The following ZNF532 variants were observed in gnomAD, a reference collection of about 807,000 sequenced individuals.
ZNF532 encodes the protein zinc finger protein 532.
ZNF532 carries 22 observed loss-of-function variants against 89.3 expected under a neutral mutation model. The observed-to-expected ratio is 0.25, with a 90% CI of 0.18 to 0.35. ZNF532 has a LOEUF of 0.35. Ranked by LOEUF, ZNF532 falls within the 10% of genes least tolerant of loss-of-function variation. ZNF532 has a pLI of 1.00. For missense variants in ZNF532, 1,132 were observed against 1,643.4 expected (o/e 0.69, Z 5.38); for synonymous variants, 606 against 649.6 (o/e 0.93, Z 1.02).
In ZNF532 at chr18:58,973,838, G is replaced by A. The variant is rs75235324; in HGVS notation, c.3151-5217G>A. The stretch of plus-strand genomic sequence containing the variant: ...AACAAATACCAATAGACCCAACAGC[G>A]TGGAGGAATTATATGTGTATTATGC... On this transcript the variant is annotated intron_variant, in intron 7 of 9. Coordinates refer to ENST00000591808, the MANE Select transcript of ZNF532 (RefSeq NM_001375912.1). Among the ~76,000 whole-genome samples, 490 of 152,304 alleles carry A rather than the reference G, an allele frequency of 3.2e-3. 4 individuals carry two copies. The highest frequency in any genetic ancestry group is 0.011 in the African/African-American group (465 of 41,560).
chr18:58,910,762 G>T (rs1275948922), intron 2 of ZNF532, among the ~76,000 whole-genome samples: 8 of 151,972 alleles, frequency 5.3e-5, no homozygotes, highest in Non-Finnish European at 1.2e-4. Context: ...AGCATGAGCC[G>T]CCGCACCTGG....
chr18:58,898,188 CTG>C (rs1254779589), intron 2 of ZNF532, among the ~76,000 whole-genome samples: 1 of 152,146 alleles, frequency 6.6e-6, no homozygotes, highest in East Asian at 1.9e-4. Context: ...TACCTGCTGA[CTG>C]TGTGTGGTCA....
intron 2 of ZNF532, among the ~76,000 whole-genome samples, chr18:58,866,756 A>G (rs1283967212): frequency 6.6e-6 from 1 of 152,216 alleles, no homozygotes; most frequent in Admixed American, 6.5e-5. Context: ...TTTATTGTTA[A>G]AATGTTTTTC....
At chr18:58,917,426 G>A (rs2060680694) in intron 2 of ZNF532, among the ~76,000 whole-genome samples, 2 of 152,192 alleles carry the variant, frequency 1.3e-5, no homozygotes, top group Non-Finnish European at 2.9e-5. Flanking sequence ...GTCTCAGGAT[G>A]GAAGGCTGGG....
intron 2 of ZNF532, among the ~76,000 whole-genome samples, chr18:58,874,257 A>G (rs1189310539): frequency 6.6e-6 from 1 of 152,192 alleles, no homozygotes; most frequent in Non-Finnish European, 1.5e-5. Flanking sequence ...AGTAGACACA[A>G]GGGTAGTGTA....
chr18:58,931,383 C>G (rs1021102886), intron 3 of ZNF532, among the ~76,000 whole-genome samples: 2 of 149,854 alleles, frequency 1.3e-5, no homozygotes, highest in Admixed American at 1.5e-4. Context: ...CAAATACATC[C>G]CCCAAACCCA....
chr18:58,879,399 C>T (rs762491782), intron 2 of ZNF532, among the ~76,000 whole-genome samples: 2 of 152,096 alleles, frequency 1.3e-5, no homozygotes, highest in Non-Finnish European at 2.9e-5. Flanking sequence ...GTGGCGACTG[C>T]CTTTTTCATT....
intron 2 of ZNF532, among the ~76,000 whole-genome samples, chr18:58,886,339 ACGTATG>A (rs2058304050): frequency 6.6e-6 from 1 of 152,086 alleles, no homozygotes; most frequent in Non-Finnish European, 1.5e-5. Flanking sequence ...AAATATAAAA[ACGTATG>A]CTTATTTTAT....
chr18:58,951,912 G>T (rs1320987245), intron 6 of ZNF532, among the ~76,000 whole-genome samples: 1 of 152,104 alleles, frequency 6.6e-6, no homozygotes, highest in African/African-American at 2.4e-5. Context: ...GCCTCCCAAA[G>T]TGCTGGGATT....
chr18:58,936,745 G>C (rs183732267), intron 4 of ZNF532, among the ~76,000 whole-genome samples: 117 of 152,352 alleles, frequency 7.7e-4, no homozygotes, highest in Non-Finnish European at 1.2e-3. Flanking sequence ...CTTTAGAAGA[G>C]AGGAGCAATT....
At chr18:58,874,686 T>G (rs951959644) in intron 2 of ZNF532, among the ~76,000 whole-genome samples, 1 of 152,224 alleles carries the variant, frequency 6.6e-6, no homozygotes. Context: ...TTTTTGCTTC[T>G]GGAAAAATTT....
At chr18:58,978,912 C>T in intron 7 of ZNF532, 143 bp from the exon 8 acceptor site, 1 of 627,346 alleles carries the variant, frequency 1.6e-6, no homozygotes. Context: ...TGACATTTTC[C>T]ATGTGTAGTG....
At chr18:58,977,443 C>A (rs1163140522) in intron 7 of ZNF532, 3 of 152,134 alleles carry the variant, frequency 2.0e-5, no homozygotes, top group Admixed American at 2.0e-4. Flanking sequence ...AGGCAGAGAC[C>A]AGGTGCCAGC....
intron 2 of ZNF532, among the ~76,000 whole-genome samples, chr18:58,898,332 C>T (rs191206058): frequency 5.9e-5 from 9 of 152,156 alleles, no homozygotes; most frequent in Admixed American, 3.9e-4. Context: ...ATAATGGCTC[C>T]GAGGCCTACC....
At chr18:58,882,692 C>T (rs1353734438) in intron 2 of ZNF532, among the ~76,000 whole-genome samples, 1 of 152,200 alleles carries the variant, frequency 6.6e-6, no homozygotes, top group Non-Finnish European at 1.5e-5. Context: ...GTGATCCTCC[C>T]ATCTTGACCT....
intron 7 of ZNF532, among the ~76,000 whole-genome samples, chr18:58,976,786 G>A (rs899108630): frequency 3.3e-5 from 5 of 152,168 alleles, no homozygotes; most frequent in African/African-American, 1.2e-4. Flanking sequence ...AAAGTGCTGG[G>A]ATTACAGGCG....
At chr18:58,880,784 G>A (rs569720647) in intron 2 of ZNF532, among the ~76,000 whole-genome samples, 1 of 151,942 alleles carries the variant, frequency 6.6e-6, no homozygotes, top group East Asian at 1.9e-4. Flanking sequence ...CTGTGTGTGT[G>A]TGTGTATGTT....
rs749978222 is a variant in ZNF532, at chr18:58,953,718, T to C, written c.3069T>C (p.Pro1023=). Residue 1023 remains proline, a synonymous_variant, in exon 7 of 10, where the codon CCT becomes CCC. Transcript: ENST00000591808. ...KSMETKKVAS[P]GWTCWECDCL... ...TGGAAACCAAGAAAGTGGCCAGTCCTGGGTGGACGTGTTGGGAGTGTGACT... is the reference window on the plus strand; with the variant it reads ...TGGAAACCAAGAAAGTGGCCAGTCCCGGGTGGACGTGTTGGGAGTGTGACT... 3 of 1,614,064 alleles carry C rather than the reference T, an allele frequency of 1.9e-6. No individual in the cohort carries two copies. Among genetic ancestry groups the C allele is most frequent in the Non-Finnish European group, 2.5e-6 (3 of 1,179,942 alleles).
intron 2 of ZNF532, among the ~76,000 whole-genome samples, chr18:58,898,616 G>A (rs973326925): frequency 4.6e-5 from 7 of 152,134 alleles, no homozygotes; most frequent in Admixed American, 3.9e-4. Flanking sequence ...TGAATGCCGC[G>A]CTAGACCCGC....
Sources: allele counts gnomAD v4.1 joint callset (sites outside exome capture counted in the v4.1 genomes callset), GRCh38; gene constraint gnomAD v4.1.1; transcripts MANE v1.5; gene names NCBI Gene and HGNC (gene_info 2026-07-23, HGNC 2026-07-21).